CSGALNACT1: variants seen among roughly 807,000 people sequenced by gnomAD.
CSGALNACT1 encodes beta4GalNAcT-1.
CSGALNACT1 carries 52 observed loss-of-function variants against 51.0 expected under a neutral mutation model. The observed-to-expected ratio is 1.02, with a 90% confidence interval of 0.82 to 1.29. The LOEUF (loss-of-function observed/expected upper bound fraction) is 1.29, where lower values mean the gene tolerates loss of function less well. CSGALNACT1 is among the 50% of genes most tolerant of loss of function. CSGALNACT1 has a pLI of 0.00. For synonymous variants in CSGALNACT1, 341 were observed against 254.4 expected (o/e 1.34, Z -3.24); for missense variants, 935 against 679.2 (o/e 1.38, Z -4.19).
chr8:19,563,655 T>C (rs1196382955), intron 3 of CSGALNACT1, among the ~76,000 whole-genome samples: 1 of 152,126 alleles, frequency 6.6e-6, no homozygotes, highest in East Asian at 1.9e-4. Flanking sequence ...ATTCACAAAC[T>C]ACATTGTGAC....
In CSGALNACT1 at chr8:19,476,925, C is replaced by T. The variant is rs111802356; in HGVS notation, c.635-18283G>A. On this transcript the variant is annotated intron_variant, in intron 4 of 9. Transcript: ENST00000454498. The stretch of plus-strand genomic sequence containing the variant: ...CCCATGAGGCCTTCCCATGAGGTCC[C>T]GAGCCTGCTGGGGCAGGGACAAGCC... 3.1e-3 allele frequency among the ~76,000 whole-genome samples: 469 copies of T among 152,256 alleles called. 6 individuals are homozygous for T. Among genetic ancestry groups the T allele is most frequent in the African/African-American group, 0.011 (438 of 41,546 alleles).
intron 8 of CSGALNACT1, among the ~76,000 whole-genome samples, chr8:19,415,880 C>A (rs766574453): frequency 6.6e-6 from 1 of 152,158 alleles, no homozygotes; most frequent in African/African-American, 2.4e-5. Flanking sequence ...GAGGGTGATA[C>A]GTGCTGCTTA....
At chr8:19,457,632 A>G in intron 5 of CSGALNACT1, 1 of 1,270,742 alleles carries the variant, frequency 7.9e-7, no homozygotes, top group South Asian at 1.2e-5. Context: ...GAAATAAAAA[A>G]TCAGCTTGAT....
At chr8:19,495,467 T>C (rs1342480886) in intron 4 of CSGALNACT1, among the ~76,000 whole-genome samples, 1 of 152,210 alleles carries the variant, frequency 6.6e-6, no homozygotes, top group East Asian at 1.9e-4. Context: ...TCCAGGGATG[T>C]AACTGTGAAA....
At chr8:19,519,429 GC>G (rs2080200921) in intron 3 of CSGALNACT1, among the ~76,000 whole-genome samples, 1 of 152,136 alleles carries the variant, frequency 6.6e-6, no homozygotes, top group Admixed American at 6.5e-5. Context: ...AGTAGACAGA[GC>G]TTTTCAATAT....
At chr8:19,755,235 A>C (rs939945163) in intron 1 of CSGALNACT1, among the ~76,000 whole-genome samples, 5 of 152,072 alleles carry the variant, frequency 3.3e-5, no homozygotes, top group Admixed American at 2.6e-4. Flanking sequence ...ATATGAACTT[A>C]GGATGGATTC....
intron 1 of CSGALNACT1, among the ~76,000 whole-genome samples, chr8:19,617,652 A>C (rs902000505): frequency 2.6e-5 from 4 of 152,222 alleles, no homozygotes; most frequent in Non-Finnish European, 5.9e-5. Flanking sequence ...ATTCTGAACA[A>C]GAAGTTCCAA....
chr8:19,647,448 T>A (rs1465599502), intron 1 of CSGALNACT1, among the ~76,000 whole-genome samples: 1 of 152,176 alleles, frequency 6.6e-6, no homozygotes, highest in Non-Finnish European at 1.5e-5. Context: ...AAAATAAAAG[T>A]GGCCATGTGT....
At chr8:19,481,448 C>G (rs986023042) in intron 4 of CSGALNACT1, among the ~76,000 whole-genome samples, 1 of 152,160 alleles carries the variant, frequency 6.6e-6, no homozygotes, top group African/African-American at 2.4e-5. Flanking sequence ...TCGATAAACA[C>G]CTGTGGACAG....
At chr8:19,436,129 T>C (rs2060334253) in intron 6 of CSGALNACT1, among the ~76,000 whole-genome samples, 1 of 152,192 alleles carries the variant, frequency 6.6e-6, no homozygotes, top group Non-Finnish European at 1.5e-5. Flanking sequence ...AGAGAGAGTG[T>C]GAAATATTGC....
intron 1 of CSGALNACT1, among the ~76,000 whole-genome samples, chr8:19,679,821 C>A (rs903032658): frequency 6.6e-6 from 1 of 152,158 alleles, no homozygotes; most frequent in Admixed American, 6.5e-5. Flanking sequence ...CAACACTTTA[C>A]CTGCGGCTTT....
intron 1 of CSGALNACT1, among the ~76,000 whole-genome samples, chr8:19,675,323 C>T (rs558307310): frequency 6.6e-6 from 1 of 152,228 alleles, no homozygotes; most frequent in African/African-American, 2.4e-5. Flanking sequence ...ACTTTCCCTG[C>T]TCCTACTTCT....
rs190446975 is a variant in CSGALNACT1 at position 19,696,144 on chromosome 8, C to T, written c.-297+61706G>A. Among the ~76,000 whole-genome samples the T allele has an allele frequency of 1.0e-3, 153 of 152,234 alleles. 1 individual carries two copies. Among genetic ancestry groups the T allele is most frequent in the Non-Finnish European group, 1.3e-4 (9 of 68,010 alleles). ...GCTATGGCTGAATTCTGCCTTTCTC[C>T]AGGACATCATGAATAATTAGACATC... On this transcript the variant is annotated intron_variant, in intron 1 of 1. Transcript: ENST00000517494.
intron 1 of CSGALNACT1, among the ~76,000 whole-genome samples, chr8:19,695,282 T>C (rs537357054): frequency 3.2e-4 from 49 of 152,310 alleles, no homozygotes; most frequent in African/African-American, 1.1e-3. Flanking sequence ...CGTGGACGTT[T>C]CTTAGGTCTT....
chr8:19,710,618 T>C (rs1280855260), intron 1 of CSGALNACT1, among the ~76,000 whole-genome samples: 1 of 152,194 alleles, frequency 6.6e-6, no homozygotes, highest in African/African-American at 2.4e-5. Context: ...GAGTTCTTGT[T>C]TTATTACTCT....
At chr8:19,408,752 T>C (rs2054905133) in intron 8 of CSGALNACT1, 58 bp from the exon 8 acceptor site, 2 of 1,486,268 alleles carry the variant, frequency 1.3e-6, no homozygotes, top group Non-Finnish European at 1.9e-6. Context: ...AAATAGAGTG[T>C]TCACAAACTC....
At position 19,506,148 on chromosome 8, in the gene CSGALNACT1, T is replaced by G; in HGVS notation, c.-296-18A>C. On this transcript the variant is annotated intron_variant, in intron 3 of 9. Coordinates refer to ENST00000454498, the Ensembl canonical transcript of CSGALNACT1. ...GAGGGGACCTGGGAAGAAACACAAA[T>G]GACATCAACACTTAATCAAGACAAC... 3.5e-6 allele frequency: 2 copies of G among 567,988 alleles called. No individual in the cohort carries two copies. Among genetic ancestry groups the G allele is most frequent in the Non-Finnish European group, 3.3e-6 (1 of 300,880 alleles). 35.2% of individuals were successfully genotyped at this position (567,988 alleles called of 1,614,324 possible).
chr8:19,680,145 C>G (rs2060488310), intron 1 of CSGALNACT1, among the ~76,000 whole-genome samples: 1 of 152,120 alleles, frequency 6.6e-6, no homozygotes, highest in Admixed American at 6.5e-5. Context: ...TGTAAACTAC[C>G]TGAAATAGTA....
chr8:19,678,866 T>C (rs1265902003), intron 1 of CSGALNACT1: 2 of 152,192 alleles, frequency 1.3e-5, no homozygotes, highest in Non-Finnish European at 2.9e-5. Context: ...GAAGCCCTCA[T>C]TATAATGACA....
Sources: gnomAD v4.1 joint callset for allele counts (sites outside exome capture counted in the v4.1 genomes callset) on GRCh38, gnomAD v4.1.1 for gene constraint, MANE v1.5 for transcripts, NCBI Gene and HGNC (gene_info 2026-07-23, HGNC 2026-07-21) for gene names.